The following PYGB variants were observed in gnomAD, a reference collection of about 807,000 sequenced individuals.
The protein encoded by PYGB is glycogen phosphorylase, brain form.
In PYGB, 82 loss-of-function variants were observed where a neutral mutation model predicts 94.3. The observed-to-expected ratio is 0.87, with a 90% CI of 0.73 to 1.04. The LOEUF (loss-of-function observed/expected upper bound fraction) is 1.04, where lower values mean the gene tolerates loss of function less well. Ranked by LOEUF, PYGB falls within the 50% of genes least tolerant of loss-of-function variation. PYGB has a pLI of 0.00. For synonymous variants in PYGB, 488 were observed against 479.1 expected, an observed-to-expected ratio of 1.02 and a Z score of -0.24; for missense variants, 1,132 against 1,158.2, an observed-to-expected ratio of 0.98 and a Z score of 0.33.
In PYGB at chr20:25,280,934, G is replaced by C. The variant is rs2088360792; in HGVS notation, c.1240-15G>C. 3 of 1,612,980 alleles carry C rather than the reference G, an allele frequency of 1.9e-6. No homozygotes were observed. Among genetic ancestry groups the C allele is most frequent in the Non-Finnish European group, 2.5e-6 (3 of 1,179,432 alleles). Reference sequence around the variant, plus strand: ...CTCCTGTGCCCACCCACCTGCCTCTGTGTTTTGGCACCAGCACGTGGCCGC... The same window carrying C: ...CTCCTGTGCCCACCCACCTGCCTCTCTGTTTTGGCACCAGCACGTGGCCGC... On this transcript the variant is annotated splice_polypyrimidine_tract_variant and intron_variant, in intron 10 of 19. Transcript: ENST00000216962.
chr20:25,261,975 C>T (rs1013933323), intron 2 of PYGB, among the ~76,000 whole-genome samples: 15 of 152,098 alleles, frequency 9.9e-5, no homozygotes, highest in Non-Finnish European at 2.2e-4. Flanking sequence ...AAATATGGGA[C>T]TATGTGAAGA....
At chr20:25,261,537 G>C (rs1257876617) in intron 2 of PYGB, among the ~76,000 whole-genome samples, 1 of 152,218 alleles carries the variant, frequency 6.6e-6, no homozygotes, top group Non-Finnish European at 1.5e-5. Context: ...GGAGAAACCA[G>C]AGCAGAAAAG....
intron 7 of PYGB, among the ~76,000 whole-genome samples, 174 bp from the exon 8 acceptor site, chr20:25,278,145 G>A (rs1432609698): frequency 2.0e-5 from 3 of 152,366 alleles, no homozygotes; most frequent in East Asian, 1.9e-4. Flanking sequence ...TCCCACAGGC[G>A]GGGTTACCTT....
chr20:25,293,151 G>T (rs2088487536), intron 17 of PYGB, among the ~76,000 whole-genome samples: 1 of 122,090 alleles, frequency 8.2e-6, no homozygotes, highest in Admixed American at 8.4e-5. Flanking sequence ...GAGTGGGGGG[G>T]ATGGGGGGGT....
At chr20:25,284,366 C>T (rs1207027983) in intron 14 of PYGB, 115 bp downstream of exon 14, 18 of 1,358,428 alleles carry the variant, frequency 1.3e-5, no homozygotes, top group South Asian at 2.8e-5. Context: ...TGTGTATAGG[C>T]GTGTGCATGT....
intron 9 of PYGB, 142 bp from the exon 10 acceptor site, chr20:25,280,124 C>A: frequency 9.8e-7 from 1 of 1,015,414 alleles, no homozygotes. Context: ...CCAGATCCAC[C>A]TTGGAGAGCA....
At position 25,258,852 on chromosome 20, in the gene PYGB, G is replaced by A. The variant is rs148449060; in HGVS notation, c.244-385G>A. 2.6e-5 allele frequency among the ~76,000 whole-genome samples: 4 copies of A among 152,388 alleles called. No individual in the cohort carries two copies. In the East Asian group the frequency reaches 7.7e-4, roughly 29 times the overall value. On this transcript the variant is annotated intron_variant, in intron 1 of 19. Coordinates refer to ENST00000216962, the MANE Select transcript of PYGB (RefSeq NM_002862.4). ...TGGCCTGTGTTACATCTGTGTTAGA[G>A]ATGTGAAGTAACTTGCCCAAGGGCA...
Position 25,282,148 on chromosome 20 carries a change from G to T in PYGB, c.1518+1G>T. The T allele has an allele frequency of 6.2e-7, 1 of 1,608,478 alleles. No individual in the cohort carries two copies. The highest frequency in any genetic ancestry group is 1.7e-5 in the Admixed American group (1 of 59,934). On this transcript the variant is annotated splice_donor_variant, in intron 12 of 19. Coordinates refer to ENST00000216962, the MANE Select transcript of PYGB (RefSeq NM_002862.4). LOFTEE classifies it high-confidence loss of function. ...GGGGCTGGCCGATACCATCGTGGAG[G>T]TGAGTCCCGGGCCCCACCCGTGCCT... is the stretch of plus-strand genomic sequence containing the variant.
intron 14 of PYGB, among the ~76,000 whole-genome samples, chr20:25,287,715 C>T (rs1408570520): frequency 1.3e-5 from 2 of 152,084 alleles, no homozygotes; most frequent in African/African-American, 4.8e-5. Context: ...CGCGGTAGCT[C>T]ACGCCTATAA....
At chr20:25,276,786 TG>T (rs2088315959) in intron 6 of PYGB, 29 bp downstream of exon 6, 1 of 1,596,174 alleles carries the variant, frequency 6.3e-7, no homozygotes, top group East Asian at 2.2e-5. Context: ...GGCACCCTTG[TG>T]TCCATGTGGG....
In PYGB at chr20:25,278,302, T is replaced by TGC; in HGVS notation, c.856-16_856-15dup. ...ATGGCCCAGCCTGCACCCTCCAGCT[T>TGC]GCTCTGCTGTGTGCAGTTCTTTGAG... On this transcript the variant is annotated splice_polypyrimidine_tract_variant and intron_variant, in intron 7 of 19. Transcript: ENST00000216962. The TGC allele has an allele frequency of 8.4e-7, 1 of 1,190,502 alleles. No homozygotes were observed. The highest frequency in any genetic ancestry group is 1.5e-5 in the South Asian group (1 of 64,704). 73.7% of individuals were successfully genotyped at this position (1,190,502 alleles called of 1,614,324 possible).
chr20:25,282,407 C>T (rs889276491), intron 12 of PYGB, among the ~76,000 whole-genome samples: 7 of 152,218 alleles, frequency 4.6e-5, no homozygotes, highest in African/African-American at 1.7e-4. Context: ...AGTGCAGCCA[C>T]GGGGCCACTG....
chr20:25,258,780 G>C, intron 1 of PYGB, among the ~76,000 whole-genome samples: 1 of 152,270 alleles, frequency 6.6e-6, no homozygotes, highest in African/African-American at 2.4e-5. Context: ...GCTTCACGTG[G>C]GTGCTAGAAG....
chr20:25,290,341 C>A, intron 15 of PYGB, 140 bp from the exon 16 acceptor site: 2 of 1,118,142 alleles, frequency 1.8e-6, no homozygotes, highest in Non-Finnish European at 2.5e-6. Context: ...GGGAGCCTCC[C>A]TAGCTCCTCT....
intron 18 of PYGB, chr20:25,295,026 G>A (rs1484766035): frequency 1.5e-5 from 25 of 1,614,108 alleles, no homozygotes; most frequent in Admixed American, 5.0e-5. Flanking sequence ...GGGCCCTGCT[G>A]AGGTCTGTGA....
intron 2 of PYGB, among the ~76,000 whole-genome samples, chr20:25,266,277 G>T (rs1008114581): frequency 2.6e-5 from 4 of 151,268 alleles, no homozygotes; most frequent in Admixed American, 1.3e-4. Flanking sequence ...AAGGAAATAG[G>T]TACCAAAACA....
rs200524889 is a variant in PYGB at position 25,248,173 on chromosome 20, G to C, written c.-6G>C. On this transcript the variant is annotated 5_prime_UTR_variant, in exon 1 of 20. Coordinates refer to ENST00000216962, the MANE Select transcript of PYGB (RefSeq NM_002862.4). ...CCATCTCTTTTCCTCCGCCTCCGCC[G>C]GCGCGATGGCGAAGCCGCTGACGGA... 4.4e-6 allele frequency: 7 copies of C among 1,587,480 alleles called. No homozygotes were observed. The African/African-American group carries it at 6.9e-5, about 16-fold the overall frequency.
intron 1 of PYGB, among the ~76,000 whole-genome samples, chr20:25,251,688 A>G (rs2092888493): frequency 1.3e-5 from 2 of 152,176 alleles, no homozygotes; most frequent in South Asian, 4.1e-4. Context: ...GGACAGTTGC[A>G]CGGTTTATTC....
At chr20:25,263,533 G>T (rs2092918177) in intron 2 of PYGB, among the ~76,000 whole-genome samples, 1 of 152,102 alleles carries the variant, frequency 6.6e-6, no homozygotes, top group Non-Finnish European at 1.5e-5. Context: ...TAGACCGGTA[G>T]CAAGACTAAT....
Sources: gnomAD v4.1 joint callset for allele counts (sites outside exome capture counted in the v4.1 genomes callset) on GRCh38, gnomAD v4.1.1 for gene constraint, MANE v1.5 for transcripts, NCBI Gene and HGNC (gene_info 2026-07-23, HGNC 2026-07-21) for gene names.